MAP2K5: variants seen among roughly 807,000 people sequenced by gnomAD.
MAP2K5 encodes mitogen-activated protein kinase kinase 5, also known as dual specificity mitogen-activated protein kinase kinase 5.
Under a neutral mutation model 83.1 loss-of-function variants are expected in MAP2K5, and 49 were observed. That is an observed-to-expected ratio of 0.59 (90% CI 0.47 to 0.75). MAP2K5 has a LOEUF of 0.75. Ranked by LOEUF, MAP2K5 falls within the 30% of genes least tolerant of loss-of-function variation. The pLI is 0.00. For synonymous variants in MAP2K5, 202 were observed against 191.8 expected, an observed-to-expected ratio of 1.05 and a Z score of -0.44; for missense variants, 457 against 557.5, an observed-to-expected ratio of 0.82 and a Z score of 1.82.
intron 6 of MAP2K5, among the ~76,000 whole-genome samples, chr15:67,589,424 C>A (rs1375145535): frequency 6.6e-6 from 1 of 152,102 alleles, no homozygotes; most frequent in East Asian, 1.9e-4. Flanking sequence ...GTTCCTAGGC[C>A]ATAATTACTG....
Position 67,569,190 on chromosome 15 carries a change from T to G in MAP2K5, c.252+5840T>G, listed in dbSNP as rs570744983. 6.6e-5 allele frequency among the ~76,000 whole-genome samples: 10 copies of G among 152,244 alleles called. No homozygotes were observed. The East Asian group carries it at 1.9e-3, about 29-fold the overall frequency. On this transcript the variant is annotated intron_variant, in intron 3 of 21. Transcript: ENST00000178640. ...AAGTTTTCTTTAAAGAACAAAGAGG[T>G]TAGAAGCTCATTTTCCACATGGTGC...
Position 67,807,026 on chromosome 15 carries a change from C to A in MAP2K5, c.*276C>A. The A allele has an allele frequency of 7.5e-7, 1 of 1,328,888 alleles. No homozygotes were observed. Among genetic ancestry groups the A allele is most frequent in the Non-Finnish European group, 9.9e-7 (1 of 1,005,148 alleles). 82.3% of individuals were successfully genotyped at this position (1,328,888 alleles called of 1,614,324 possible). A position where few individuals can be genotyped will look rare whatever the true frequency, so the allele number is the denominator to read the frequency against. ...GAATGGAGGCTCCCAGGGTCCCTGC[C>A]CACTTCTGTTTTCCTAATGTTTTTC... On this transcript the variant is annotated 3_prime_UTR_variant, in exon 22 of 22. Coordinates refer to ENST00000178640, the MANE Select transcript of MAP2K5 (RefSeq NM_145160.3). This position sits in a 1 kb window ranked among gnomAD's most constrained non-coding sequence, Gnocchi z 5.1.
At position 67,790,033 on chromosome 15, in the gene MAP2K5, T is replaced by C. The variant is rs2090488453; in HGVS notation, c.1243-16613T>C. 6.6e-6 allele frequency among the ~76,000 whole-genome samples: 1 copy of C among 152,230 alleles called. No individual in the cohort carries two copies. The highest frequency in any genetic ancestry group is 1.5e-5 in the Non-Finnish European group (1 of 68,034). On this transcript the variant is annotated intron_variant, in intron 21 of 21. Coordinates refer to ENST00000178640, the MANE Select transcript of MAP2K5 (RefSeq NM_145160.3). This position sits in a 1 kb window ranked among gnomAD's most constrained non-coding sequence, Gnocchi z 4.6. ...CTTGTCAAGCAACATTGAGGTTGAA[T>C]AGCCAATAGCTGGGGGTAAACTACA... is the stretch of plus-strand genomic sequence containing the variant.
rs549028116 is a variant in MAP2K5 at position 67,561,677 on chromosome 15, G to T, written c.185-1606G>T. 3.9e-4 allele frequency among the ~76,000 whole-genome samples: 60 copies of T among 152,278 alleles called. No individual in the cohort carries two copies. Among genetic ancestry groups the T allele is most frequent in the African/African-American group, 1.4e-3 (58 of 41,556 alleles). Reference sequence around the variant, plus strand: ...AGTGCTTGGAAAGAGTGAGAGCTATGGGTCACTGAACAGGACTGGTCCAAG... The same window carrying T: ...AGTGCTTGGAAAGAGTGAGAGCTATTGGTCACTGAACAGGACTGGTCCAAG... On this transcript the variant is annotated intron_variant, in intron 2 of 21. Transcript: ENST00000178640. This position sits in a 1 kb window ranked among gnomAD's most constrained non-coding sequence, Gnocchi z 4.2.
intron 8 of MAP2K5, among the ~76,000 whole-genome samples, chr15:67,601,957 GA>G (rs2085667972): frequency 6.6e-6 from 1 of 152,222 alleles, no homozygotes; most frequent in Non-Finnish European, 1.5e-5. Context: ...TCCTGCAGAT[GA>G]CTGAGTATTG....
At chr15:67,735,628 A>G (rs897215150) in intron 17 of MAP2K5, among the ~76,000 whole-genome samples, 2 of 152,218 alleles carry the variant, frequency 1.3e-5, no homozygotes, top group Non-Finnish European at 2.9e-5. Flanking sequence ...CTCTGACCTC[A>G]AGAGGAAAAG....
In MAP2K5 at chr15:67,640,578, C is replaced by A. The variant is rs551603785; in HGVS notation, c.586-5653C>A. On this transcript the variant is annotated intron_variant, in intron 9 of 21. Coordinates refer to ENST00000178640, the MANE Select transcript of MAP2K5 (RefSeq NM_145160.3). This position sits in a 1 kb window ranked among gnomAD's most constrained non-coding sequence, Gnocchi z 4.6. Reference sequence around the variant, plus strand: ...AAACTGAATCACCTGCAGGGTCTGACGCCTGCATGGAATGATGAGGGAAAT... The same window carrying A: ...AAACTGAATCACCTGCAGGGTCTGAAGCCTGCATGGAATGATGAGGGAAAT... 3.5e-4 allele frequency: 341 copies of A among 985,002 alleles called. No individual in the cohort carries two copies. The highest frequency in any genetic ancestry group is 4.0e-4 in the Non-Finnish European group (331 of 829,738). The allele number at this position is 985,002 out of a possible 1,614,324, so 61.0% of individuals were successfully genotyped here.
At chr15:67,608,933 G>A (rs2141040060) in intron 8 of MAP2K5, among the ~76,000 whole-genome samples, 1 of 152,280 alleles carries the variant, frequency 6.6e-6, no homozygotes, top group East Asian at 1.9e-4. Context: ...CCTACTGTAG[G>A]CACTTAGTGA....
Position 67,636,034 on chromosome 15 carries a change from G to A in MAP2K5, c.585+5107G>A, listed in dbSNP as rs929136780. 4.6e-5 allele frequency among the ~76,000 whole-genome samples: 7 copies of A among 151,986 alleles called. No homozygotes were observed. Among genetic ancestry groups the A allele is most frequent in the Admixed American group, 6.6e-5 (1 of 15,266 alleles). On this transcript the variant is annotated intron_variant, in intron 9 of 21. Coordinates refer to ENST00000178640, the MANE Select transcript of MAP2K5 (RefSeq NM_145160.3). The surrounding 1 kb of genome is among the most constrained non-coding windows in gnomAD (Gnocchi z 4.7). ...GTCCAGGCTTGTCTTGAATTCATGG[G>A]CTCAAGCAATCCACCCGCCTCCACC... is the stretch of plus-strand genomic sequence containing the variant.
At chr15:67,714,445 A>C (rs996124726) in intron 16 of MAP2K5, among the ~76,000 whole-genome samples, 15 of 120,990 alleles carry the variant, frequency 1.2e-4, no homozygotes, top group Admixed American at 2.4e-4. Flanking sequence ...AAAAAAAAAA[A>C]AAAAAAAAAA....
chr15:67,795,707 T>C (rs939295125), intron 21 of MAP2K5, among the ~76,000 whole-genome samples: 33 of 152,260 alleles, frequency 2.2e-4, no homozygotes, highest in Non-Finnish European at 4.9e-4. Context: ...TTGAATGCAA[T>C]GTCCTATAGA....
intron 21 of MAP2K5, among the ~76,000 whole-genome samples, chr15:67,800,975 T>G (rs2090695759): frequency 6.6e-6 from 1 of 152,242 alleles, no homozygotes; most frequent in South Asian, 2.1e-4. Context: ...TTGACCATAG[T>G]TGAGTGTATG....
chr15:67,686,505 G>A (rs1385628732), intron 13 of MAP2K5, among the ~76,000 whole-genome samples: 1 of 151,910 alleles, frequency 6.6e-6, no homozygotes, highest in Non-Finnish European at 1.5e-5. Context: ...TACTCAGGAG[G>A]CTGAAGAGAA....
At chr15:67,697,546 C>G (rs1008591323) in intron 15 of MAP2K5, among the ~76,000 whole-genome samples, 7 of 152,318 alleles carry the variant, frequency 4.6e-5, no homozygotes, top group Non-Finnish European at 8.8e-5. Flanking sequence ...TTATGACTTT[C>G]ACAGTGGCAA....
intron 12 of MAP2K5, among the ~76,000 whole-genome samples, chr15:67,663,076 A>G (rs1312753689): frequency 1.3e-5 from 2 of 152,190 alleles, no homozygotes; most frequent in Non-Finnish European, 2.9e-5. Context: ...ATCTATAAAC[A>G]TGTTTTTTCC....
intron 16 of MAP2K5, among the ~76,000 whole-genome samples, chr15:67,707,541 A>G (rs2088586743): frequency 6.6e-6 from 1 of 152,198 alleles, no homozygotes; most frequent in South Asian, 2.1e-4. Context: ...TTACTTAAGC[A>G]CTTGCCCTGT....
chr15:67,692,791 A>G (rs927211612), intron 14 of MAP2K5, among the ~76,000 whole-genome samples: 2 of 152,208 alleles, frequency 1.3e-5, no homozygotes, highest in African/African-American at 4.8e-5. Context: ...CTACTTACGA[A>G]TAGCAAACTT....
chr15:67,629,588 G>A (rs1247862758), intron 8 of MAP2K5, among the ~76,000 whole-genome samples: 1 of 152,124 alleles, frequency 6.6e-6, no homozygotes, highest in Non-Finnish European at 1.5e-5. Context: ...GAAAGGGGAA[G>A]TTTAGGGGCT....
intron 8 of MAP2K5, among the ~76,000 whole-genome samples, chr15:67,630,231 C>T (rs2086438267): frequency 6.6e-6 from 1 of 152,156 alleles, no homozygotes; most frequent in Admixed American, 6.5e-5. Flanking sequence ...GAGCCCCTGT[C>T]TGAATCAGTC....
Sources: allele counts gnomAD v4.1 joint callset (sites outside exome capture counted in the v4.1 genomes callset), GRCh38; gene constraint gnomAD v4.1.1; non-coding constraint Gnocchi (gnomAD v3.1); transcripts MANE v1.5; gene names NCBI Gene and HGNC (gene_info 2026-07-23, HGNC 2026-07-21).